CHD9: variants seen among roughly 807,000 people sequenced by gnomAD.
CHD9 encodes the protein ATP-dependent chromatin remodeler CHD9.
In CHD9, 77 loss-of-function variants were observed where a neutral mutation model predicts 316.1. The observed-to-expected ratio is 0.24, with a 90% CI of 0.20 to 0.29. The LOEUF (loss-of-function observed/expected upper bound fraction) is 0.29. CHD9 is among the 10% of genes least tolerant of loss of function. CHD9 has a pLI of 1.00. For missense variants in CHD9, 2,763 were observed against 3,438.1 expected (o/e 0.80, Z 4.91); for synonymous variants, 1,129 against 1,158.3 (o/e 0.97, Z 0.51).
intron 10 of CHD9, 126 bp from the exon 11 acceptor site, chr16:53,235,059 G>A (rs550936352): frequency 1.6e-6 from 1 of 611,568 alleles, no homozygotes; most frequent in South Asian, 3.4e-5. Flanking sequence ...TAAATGTTAG[G>A]TAAAAGTTAA....
intron 34 of CHD9, among the ~76,000 whole-genome samples, chr16:53,312,473 A>G (rs1307958780): frequency 6.6e-6 from 1 of 152,224 alleles, no homozygotes; most frequent in Non-Finnish European, 1.5e-5. Flanking sequence ...TAGGGTTGTC[A>G]GAAGGGGTAA....
At chr16:53,257,718 CACAGAT>C (rs2152983062) in intron 19 of CHD9, among the ~76,000 whole-genome samples, 1 of 152,124 alleles carries the variant, frequency 6.6e-6, no homozygotes, top group African/African-American at 2.4e-5. Flanking sequence ...TTGCCTGGGA[CACAGAT>C]ACAGATTTGG....
At chr16:53,094,487 T>G (rs917383090) in intron 1 of CHD9, among the ~76,000 whole-genome samples, 1 of 152,102 alleles carries the variant, frequency 6.6e-6, no homozygotes, top group African/African-American at 2.4e-5. Flanking sequence ...AGGTGACAAT[T>G]CTGAACCTGC....
chr16:53,180,802 A>G (rs1268850825), intron 2 of CHD9, among the ~76,000 whole-genome samples: 3 of 151,388 alleles, frequency 2.0e-5, no homozygotes, highest in Admixed American at 6.6e-5. Context: ...CCTCCCCAGT[A>G]TTAGCTGGGA....
At chr16:53,094,249 C>G (rs2036195783) in intron 1 of CHD9, among the ~76,000 whole-genome samples, 1 of 152,184 alleles carries the variant, frequency 6.6e-6, no homozygotes, top group African/African-American at 2.4e-5. Flanking sequence ...CCTATATACA[C>G]CCAGCATCCG....
chr16:53,076,680 A>G (rs892257559), intron 1 of CHD9, among the ~76,000 whole-genome samples: 1 of 151,788 alleles, frequency 6.6e-6, no homozygotes, highest in Non-Finnish European at 1.5e-5. Flanking sequence ...AGGCTAAGAC[A>G]GGAGAATCAC....
At chr16:53,202,020 A>G (rs1382792146) in intron 2 of CHD9, among the ~76,000 whole-genome samples, 1 of 143,278 alleles carries the variant, frequency 7.0e-6, no homozygotes, top group Non-Finnish European at 1.6e-5. Flanking sequence ...CATCACACTT[A>G]GCTAAGTTTA....
chr16:53,215,927 T>C (rs536422683), intron 3 of CHD9, among the ~76,000 whole-genome samples: 143 of 152,366 alleles, frequency 9.4e-4, no homozygotes, highest in African/African-American at 3.0e-3. Flanking sequence ...ATTCATACTT[T>C]AGTTTGAAAT....
chr16:53,143,695 A>G (rs2040336180), intron 1 of CHD9, among the ~76,000 whole-genome samples: 1 of 152,084 alleles, frequency 6.6e-6, no homozygotes, highest in Non-Finnish European at 1.5e-5. Flanking sequence ...CCTCATAATG[A>G]TTTTATATAT....
chr16:53,246,566 C>G (rs2049636385), intron 15 of CHD9, among the ~76,000 whole-genome samples: 1 of 152,094 alleles, frequency 6.6e-6, no homozygotes. Flanking sequence ...ATCACCCAGG[C>G]TGGAGTACAG....
At position 53,209,512 on chromosome 16, in the gene CHD9, G is replaced by T; in HGVS notation, c.1483G>T (p.Gly495Trp). The T allele has an allele frequency of 6.2e-7, 1 of 1,613,286 alleles. No individual in the cohort carries two copies. Among genetic ancestry groups the T allele is most frequent in the Non-Finnish European group, 8.5e-7 (1 of 1,179,496 alleles). The change falls in exon 3 of 39, where the codon GGG becomes TGG. Residue 495 changes from glycine to tryptophan, a missense_variant. Physicochemically the swap from Gly to Trp is radical, Grantham distance 184. Coordinates refer to ENST00000447540, the MANE Select transcript of CHD9 (RefSeq NM_001308319.2). ...PPSSKKSDGS[G>W]TYTKLQNTQV... ...ATCTTCCAAGAAGAGCGATGGTTCT[G>T]GGACATATACTAAGTTGCAGAATAC...
intron 29 of CHD9, among the ~76,000 whole-genome samples, chr16:53,294,271 G>T (rs937809092): frequency 6.6e-6 from 1 of 152,152 alleles, no homozygotes; most frequent in Non-Finnish European, 1.5e-5. Flanking sequence ...TCCTCTGGAA[G>T]ATATATTGTT....
chr16:53,104,923 G>A (rs1202299317), intron 1 of CHD9, among the ~76,000 whole-genome samples: 1 of 151,386 alleles, frequency 6.6e-6, no homozygotes, highest in South Asian at 2.1e-4. Flanking sequence ...AGCCCCGAAC[G>A]CCTGGGCCCA....
intron 1 of CHD9, among the ~76,000 whole-genome samples, chr16:53,075,063 C>T (rs1415912918): frequency 1.3e-5 from 2 of 152,216 alleles, no homozygotes; most frequent in Non-Finnish European, 2.9e-5. Flanking sequence ...CAGTAACCCA[C>T]CTCTTGCATC....
chr16:53,179,879 G>C (rs369065666), intron 2 of CHD9, among the ~76,000 whole-genome samples: 1 of 150,532 alleles, frequency 6.6e-6, no homozygotes, highest in East Asian at 1.9e-4. Flanking sequence ...CCTGGGCGAC[G>C]GAGTGAGACT....
At chr16:53,180,991 A>G (rs2043464347) in intron 2 of CHD9, among the ~76,000 whole-genome samples, 2 of 151,562 alleles carry the variant, frequency 1.3e-5, no homozygotes, top group African/African-American at 2.4e-5. Flanking sequence ...AGGCATCTCT[A>G]ATAAGTATGA....
intron 1 of CHD9, among the ~76,000 whole-genome samples, chr16:53,132,861 C>T (rs531317806): frequency 7.7e-6 from 1 of 130,178 alleles, no homozygotes; most frequent in South Asian, 2.4e-4. Flanking sequence ...CAGGCTGGAG[C>T]GCAGTGACGC....
At chr16:53,065,142 A>C (rs922565094) in intron 1 of CHD9, among the ~76,000 whole-genome samples, 12 of 152,182 alleles carry the variant, frequency 7.9e-5, no homozygotes, top group African/African-American at 2.9e-4. Flanking sequence ...TGTGGAATCA[A>C]AGCAAGGTGA....
chr16:53,185,343 G>A (rs893907036), intron 2 of CHD9, among the ~76,000 whole-genome samples: 5 of 152,200 alleles, frequency 3.3e-5, no homozygotes, highest in African/African-American at 1.2e-4. Flanking sequence ...GGTCACTTTT[G>A]CTATGCAAAG....
Sources: gnomAD v4.1 joint callset for allele counts (sites outside exome capture counted in the v4.1 genomes callset) on GRCh38, gnomAD v4.1.1 for gene constraint, MANE v1.5 for transcripts, NCBI Gene and HGNC (gene_info 2026-07-23, HGNC 2026-07-21) for gene names.